The following FGF18 variants were observed in gnomAD, a reference collection of about 807,000 sequenced individuals.
FGF18 encodes the protein fibroblast growth factor 18.
Under a neutral mutation model 23.0 loss-of-function variants are expected in FGF18, and 5 were observed. The ratio of observed to expected loss-of-function variants is 0.22; its 90% CI spans 0.11 to 0.46. The LOEUF (loss-of-function observed/expected upper bound fraction) is 0.46, where lower values mean the gene tolerates loss of function less well. Ranked by LOEUF, FGF18 falls within the 20% of genes least tolerant of loss-of-function variation. FGF18 has a pLI of 0.99. For missense variants in FGF18, 180 were observed against 291.6 expected, an observed-to-expected ratio of 0.62 and a Z score of 2.79; for synonymous variants, 117 against 118.9, an observed-to-expected ratio of 0.98 and a Z score of 0.10.
chr5:171,429,638 TG>T, intron 2 of FGF18, among the ~76,000 whole-genome samples: 1 of 152,352 alleles, frequency 6.6e-6, no homozygotes, highest in Non-Finnish European at 1.5e-5. Flanking sequence ...GGAATGTGGC[TG>T]GAAGTCTGGG....
chr5:171,455,360 G>A (rs145528447), intron 4 of FGF18, among the ~76,000 whole-genome samples: 58 of 152,308 alleles, frequency 3.8e-4, no homozygotes, highest in African/African-American at 1.4e-3. Flanking sequence ...CATGTAATTT[G>A]TATTTAACTA....
intron 4 of FGF18, among the ~76,000 whole-genome samples, chr5:171,455,755 G>T (rs1026420732): frequency 6.6e-6 from 1 of 152,176 alleles, no homozygotes; most frequent in Non-Finnish European, 1.5e-5. Flanking sequence ...ACACTGATTG[G>T]ATGGCTTGGG....
At chr5:171,439,082 C>T (rs1461701187) in intron 3 of FGF18, among the ~76,000 whole-genome samples, 1 of 152,246 alleles carries the variant, frequency 6.6e-6, no homozygotes, top group African/African-American at 2.4e-5. Flanking sequence ...CCCACGGACA[C>T]TCAGAACCTC....
Position 171,444,078 on chromosome 5 carries a change from A to C in FGF18, c.251-5069A>C, listed in dbSNP as rs1001774398. 2.0e-5 allele frequency among the ~76,000 whole-genome samples: 3 copies of C among 152,326 alleles called. No individual in the cohort carries two copies. The East Asian group carries it at 5.8e-4, about 29-fold the overall frequency. On this transcript the variant is annotated intron_variant, in intron 3 of 4. Transcript: ENST00000274625. ...AGGGTTTCCCATCTCCCGGTATCAA[A>C]GGTATCTTTCTCAGGGTGACCCTGG...
intron 3 of FGF18, among the ~76,000 whole-genome samples, chr5:171,441,584 G>A (rs868705558): frequency 6.6e-6 from 1 of 152,200 alleles, no homozygotes; most frequent in Non-Finnish European, 1.5e-5. Flanking sequence ...AGAGTCCCCA[G>A]CTCTGTCCAC....
At chr5:171,446,982 C>T (rs953173818) in intron 3 of FGF18, among the ~76,000 whole-genome samples, 2 of 152,070 alleles carry the variant, frequency 1.3e-5, no homozygotes, top group African/African-American at 4.8e-5. Context: ...GATATCCTTC[C>T]ACTATATTTT....
At chr5:171,452,833 C>T (rs1355716203) in intron 4 of FGF18, among the ~76,000 whole-genome samples, 1 of 152,078 alleles carries the variant, frequency 6.6e-6, no homozygotes, top group Non-Finnish European at 1.5e-5. Context: ...CCTAAAATGC[C>T]TTAAGCAAAA....
intron 4 of FGF18, among the ~76,000 whole-genome samples, chr5:171,454,287 G>T (rs1772553340): frequency 6.6e-6 from 1 of 152,156 alleles, no homozygotes. Context: ...TTCTAGGATG[G>T]GGGAGCATCA....
At chr5:171,443,529 T>TTTTTTTTTTTTTTTG (rs1772376722) in intron 3 of FGF18, among the ~76,000 whole-genome samples, 2 of 117,776 alleles carry the variant, frequency 1.7e-5, no homozygotes, top group African/African-American at 3.0e-5. Context: ...TTTTTTTTTT[T>TTTTTTTTTTTTTTTG]TTTAGCAGAG....
At position 171,449,185 on chromosome 5, in the gene FGF18, G is replaced by A; in HGVS notation, c.289G>A (p.Val97Ile). ...LVETDTFGSQVRIKGKETEFY... is the reference protein window; with the variant it reads ...LVETDTFGSQIRIKGKETEFY... The stretch of plus-strand genomic sequence containing the variant: ...GGAGACAGACACCTTCGGTAGTCAA[G>A]TCCGGATCAAGGGCAAGGAGACGGA... Residue 97 changes from valine (V) to isoleucine (I), a missense_variant, in exon 4 of 5, where the codon GTC becomes ATC. Physicochemically the swap from Val to Ile is conservative, Grantham distance 29 (BLOSUM62 3). Around this residue, in one of 3 missense-constraint regions of FGF18, gnomAD observed 83 missense variants for 190.4 expected, o/e 0.44. Transcript: ENST00000274625. 6.2e-7 allele frequency: 1 copy of A among 1,614,092 alleles called. No homozygotes were observed. The highest frequency in any genetic ancestry group is 8.5e-7 in the Non-Finnish European group (1 of 1,180,006).
In FGF18 at chr5:171,451,120, C is replaced by T. The variant is rs1772500768; in HGVS notation, c.357+1867C>T. ...CGCTGAGTCACCGCTTCCACAGGAG[C>T]CGGCTCCGATTTCCTGCCCCCTCGC... On this transcript the variant is annotated intron_variant, in intron 4 of 4. Coordinates refer to ENST00000274625, the MANE Select transcript of FGF18 (RefSeq NM_003862.3). This position sits in a 1 kb window ranked among gnomAD's most constrained non-coding sequence, Gnocchi z 4.5. 3.3e-5 allele frequency among the ~76,000 whole-genome samples: 5 copies of T among 150,952 alleles called. No individual in the cohort carries two copies. The South Asian group carries it at 1.0e-3, about 32-fold the overall frequency.
intron 3 of FGF18, among the ~76,000 whole-genome samples, chr5:171,444,335 C>T (rs1161337898): frequency 6.6e-6 from 1 of 152,216 alleles, no homozygotes; most frequent in Non-Finnish European, 1.5e-5. Context: ...GCTTGGATCT[C>T]AGCTCCATCA....
In FGF18 at chr5:171,436,154, G is replaced by A. The variant is rs775622513; in HGVS notation, c.131G>A (p.Arg44Gln). ...CACGTGGAGAACCAGACGCGGGCTCGGGACGATGTGAGCCGTAAGCAGCTG... is the reference window on the plus strand; with the variant it reads ...CACGTGGAGAACCAGACGCGGGCTCAGGACGATGTGAGCCGTAAGCAGCTG... ...RIHVENQTRA[R>Q]DDVSRKQLRL... The change falls in exon 3 of 5, where the codon CGG becomes CAG. Residue 44 changes from arginine to glutamine, a missense_variant. Coordinates refer to ENST00000274625, the MANE Select transcript of FGF18 (RefSeq NM_003862.3). This position sits in a 1 kb window ranked among gnomAD's most constrained non-coding sequence, Gnocchi z 4.4. 18 of 1,600,966 alleles carry A rather than the reference G, an allele frequency of 1.1e-5. No individual in the cohort carries two copies. Among genetic ancestry groups the A allele is most frequent in the South Asian group, 1.1e-5 (1 of 89,600 alleles).
chr5:171,443,501 ATTTTTTTTTTTTTT>A (rs59576538), intron 3 of FGF18, among the ~76,000 whole-genome samples: 27 of 63,744 alleles, frequency 4.2e-4, no homozygotes, highest in African/African-American at 1.4e-3. Context: ...TGTTATCATC[ATTTTTTTTTTTTTT>A]TTTTTTTTTT....
intron 2 of FGF18, among the ~76,000 whole-genome samples, chr5:171,424,863 GA>G (rs1403784201): frequency 6.6e-6 from 1 of 151,718 alleles, no homozygotes; most frequent in Non-Finnish European, 1.5e-5. Context: ...GGGGGAGGGG[GA>G]GGGGAGGGGG....
In FGF18 at chr5:171,456,886, G is replaced by T. The variant is rs747043243; in HGVS notation, c.*81G>T. 103 of 1,460,948 alleles carry T rather than the reference G, an allele frequency of 7.1e-5. No individual in the cohort carries two copies. The highest frequency in any genetic ancestry group is 8.8e-5 in the Non-Finnish European group (96 of 1,088,122). The allele number at this position is 1,460,948 out of a possible 1,614,324, so 90.5% of individuals were successfully genotyped here. On this transcript the variant is annotated 3_prime_UTR_variant, in exon 5 of 5. Transcript: ENST00000274625. The surrounding 1 kb of genome is among the most constrained non-coding windows in gnomAD (Gnocchi z 6.1). ...CTGCATCAGAGGAATATTTTTACAT[G>T]AAAAATAAGGAAGAAGCTCTATTTT...
chr5:171,455,756 A>C (rs1484304474), intron 4 of FGF18, among the ~76,000 whole-genome samples: 1 of 152,142 alleles, frequency 6.6e-6, no homozygotes, highest in Non-Finnish European at 1.5e-5. Context: ...CACTGATTGG[A>C]TGGCTTGGGT....
chr5:171,437,759 G>A (rs1433941480), intron 3 of FGF18, among the ~76,000 whole-genome samples: 2 of 152,194 alleles, frequency 1.3e-5, no homozygotes, highest in African/African-American at 4.8e-5. Flanking sequence ...TGCCAGAAGG[G>A]GCAGCTGGCT....
In FGF18 at chr5:171,456,723, G is replaced by A; in HGVS notation, c.542G>A (p.Gly181Glu). Reference protein sequence around the residue: ...DVHFMKRYPKGQPELQKPFKY... With the variant: ...DVHFMKRYPKEQPELQKPFKY... Reference sequence around the variant, plus strand: ...CATTTCATGAAGCGCTACCCCAAGGGGCAGCCGGAGCTTCAGAAGCCCTTC... The same window carrying A: ...CATTTCATGAAGCGCTACCCCAAGGAGCAGCCGGAGCTTCAGAAGCCCTTC... The change falls in exon 5 of 5, where the codon GGG becomes GAG. Residue 181 changes from glycine (G) to glutamate (E), a missense_variant. Physicochemically the swap from Gly to Glu is moderately conservative, Grantham distance 98. Around this residue, in one of 3 missense-constraint regions of FGF18, gnomAD observed 40 missense variants for 41.4 expected, o/e 0.97. Coordinates refer to ENST00000274625, the MANE Select transcript of FGF18 (RefSeq NM_003862.3). The surrounding 1 kb of genome is among the most constrained non-coding windows in gnomAD (Gnocchi z 6.1). 6.2e-7 allele frequency: 1 copy of A among 1,614,030 alleles called. No homozygotes were observed. Among genetic ancestry groups the A allele is most frequent in the African/African-American group, 1.3e-5 (1 of 74,992 alleles).
Sources: gnomAD v4.1 joint callset for allele counts (sites outside exome capture counted in the v4.1 genomes callset) on GRCh38, gnomAD v4.1.1 for gene constraint, gnomAD v4.1.1 regional missense constraint, Gnocchi (gnomAD v3.1) non-coding constraint, MANE v1.5 for transcripts, NCBI Gene and HGNC (gene_info 2026-07-23, HGNC 2026-07-21) for gene names.